Variants in BEGAIN observed in about 807,000 individuals in gnomAD.
BEGAIN encodes the protein brain enriched guanylate kinase associated, also known as brain-enriched guanylate kinase-associated protein.
A neutral mutation model predicts 35.8 loss-of-function variants in BEGAIN; 19 were observed. The ratio of observed to expected loss-of-function variants is 0.53; its 90% confidence interval spans 0.37 to 0.78. BEGAIN has a LOEUF of 0.78. Among genes scored for constraint, BEGAIN ranks in the 30% least tolerant of loss-of-function variants. The pLI is 0.00. For missense variants in BEGAIN, 795 were observed against 853.6 expected (o/e 0.93, Z 0.85); for synonymous variants, 462 against 388.6 (o/e 1.19, Z -2.22).
Position 100,569,972 on chromosome 14 carries a change from G to A in BEGAIN, c.43-2033C>T, listed in dbSNP as rs185390034. 1.8e-3 allele frequency among the ~76,000 whole-genome samples: 273 copies of A among 152,218 alleles called. 2 individuals carry two copies. Among genetic ancestry groups the A allele is most frequent in the Non-Finnish European group, 2.0e-3 (134 of 68,002 alleles). On this transcript the variant is annotated intron_variant, in intron 1 of 6. Coordinates refer to ENST00000554140, the MANE Select transcript of BEGAIN (RefSeq NM_001385089.1). ...TCCCACGGCTCCTCACCACAGCTCT[G>A]CCATGGAAGCCCCGGACCCCCTATG...
intron 1 of BEGAIN, among the ~76,000 whole-genome samples, chr14:100,570,201 C>T (rs2035032721): frequency 6.6e-6 from 1 of 152,230 alleles, no homozygotes; most frequent in East Asian, 1.9e-4. Context: ...TTTTAAAAAT[C>T]TAGCATTAAT....
intron 2 of BEGAIN, 76 bp from the exon 3 acceptor site, chr14:100,546,738 C>G (rs902353686): frequency 6.5e-6 from 9 of 1,392,358 alleles, no homozygotes; most frequent in Non-Finnish European, 8.4e-6. Context: ...CCAGCCGGGG[C>G]GTGCCGCACT....
rs550921317 is a variant in BEGAIN at position 100,538,236 on chromosome 14, G to A, written c.1572C>T (p.Arg524=). The part of the protein sequence containing the change: ...AGGDLSLSPG[R]SADPLPGYAP... ...CATAGCCGGGCAGTGGGTCAGCCGAGCGGCCGGGACTGAGGCTCAGGTCGC... is the reference window on the plus strand; with the variant it reads ...CATAGCCGGGCAGTGGGTCAGCCGAACGGCCGGGACTGAGGCTCAGGTCGC... Residue 524 remains arginine, a synonymous_variant, in exon 7 of 7, where the codon CGC becomes CGT. Coordinates refer to ENST00000554140, the MANE Select transcript of BEGAIN (RefSeq NM_001385089.1). 8.0e-5 allele frequency: 125 copies of A among 1,570,560 alleles called. 1 individual carries two copies. In the South Asian group the frequency reaches 1.3e-3, roughly 16 times the overall value.
chr14:100,544,647 GC>G (rs367785895), intron 4 of BEGAIN, among the ~76,000 whole-genome samples: 1 of 152,304 alleles, frequency 6.6e-6, no homozygotes, highest in East Asian at 1.9e-4. Flanking sequence ...CCTGCCTCTG[GC>G]TCACCCAGGG....
chr14:100,537,954 C>A lies in BEGAIN; in HGVS notation c.*15G>T, dbSNP rs1485673348. 4 of 1,594,504 alleles carry A rather than the reference C, an allele frequency of 2.5e-6. No homozygotes were observed. Among genetic ancestry groups the A allele is most frequent in the South Asian group, 2.3e-5 (2 of 88,524 alleles). On this transcript the variant is annotated 3_prime_UTR_variant, in exon 7 of 7. Transcript: ENST00000554140. ...TGGCGGGGAGCGAACCACGGCCAGG[C>A]CTGCACGCAGGCGCTCAGTTGAGCA... is the stretch of plus-strand genomic sequence containing the variant.
chr14:100,550,575 G>A, intron 2 of BEGAIN: 1 of 398,676 alleles, frequency 2.5e-6, no homozygotes, highest in Non-Finnish European at 4.4e-6. Context: ...GGCCATGCGT[G>A]GCCCACCATC....
At position 100,558,959 on chromosome 14, in the gene BEGAIN, G is replaced by C. The variant is rs2139632433; in HGVS notation, c.71+8952C>G. 6.6e-6 allele frequency among the ~76,000 whole-genome samples: 1 copy of C among 152,262 alleles called. No individual in the cohort carries two copies. Among genetic ancestry groups the C allele is most frequent in the South Asian group, 2.1e-4 (1 of 4,824 alleles). ...CAGGGCGCGTCCTGGAGATTGGTGTGGCCGGAGCCTGGGGCCTGGGGGTTG... is the reference window on the plus strand; with the variant it reads ...CAGGGCGCGTCCTGGAGATTGGTGTCGCCGGAGCCTGGGGCCTGGGGGTTG... On this transcript the variant is annotated intron_variant, in intron 2 of 6. Transcript: ENST00000554140. The surrounding 1 kb of genome is among the most constrained non-coding windows in gnomAD (Gnocchi z 4.6).
Position 100,587,232 on chromosome 14 carries a change from G to T in BEGAIN, c.42+17C>A. 5.3e-6 allele frequency: 1 copy of T among 189,320 alleles called. No homozygotes were observed. The highest frequency in any genetic ancestry group is 1.1e-5 in the Non-Finnish European group (1 of 94,538). 11.7% of individuals were successfully genotyped at this position (189,320 alleles called of 1,614,324 possible). ...GCCCGCGCCCGCGCCCTGCCCTCCC[G>T]GCTCGCAGGTACTCACCGCCCGGCG... On this transcript the variant is annotated intron_variant, in intron 1 of 6. Transcript: ENST00000554140.
At position 100,567,882 on chromosome 14, in the gene BEGAIN, A is replaced by G; in HGVS notation, c.71+29T>C. Reference sequence around the variant, plus strand: ...CCTCACCCCCGACCCGGCCCCCGCGAGCCGCGGCACGGGAGACGCTCCACT... The same window carrying G: ...CCTCACCCCCGACCCGGCCCCCGCGGGCCGCGGCACGGGAGACGCTCCACT... On this transcript the variant is annotated intron_variant, in intron 2 of 6. Transcript: ENST00000554140. This position sits in a 1 kb window ranked among gnomAD's most constrained non-coding sequence, Gnocchi z 5.1. 2 of 1,444,342 alleles carry G rather than the reference A, an allele frequency of 1.4e-6. No homozygotes were observed. The highest frequency in any genetic ancestry group is 9.2e-7 in the Non-Finnish European group (1 of 1,087,040). 89.5% of individuals were successfully genotyped at this position (1,444,342 alleles called of 1,614,324 possible).
In BEGAIN at chr14:100,539,138, G is replaced by C. The variant is rs747890182; in HGVS notation, c.670C>G (p.Arg224Gly). The C allele has an allele frequency of 4.4e-6, 7 of 1,603,546 alleles. No individual in the cohort carries two copies. The South Asian group carries it at 4.4e-5, about 10-fold the overall frequency. Residue 224 changes from arginine to glycine, a missense_variant, in exon 7 of 7, where the codon CGC (arginine) becomes GGC (glycine). Transcript: ENST00000554140. ...LSSRLSDASA[R>G]DLAFCDGVEK... ...ACCCCGTCGCAGAAGGCCAGGTCGC[G>C]GGCGGAGGCATCGGACAGGCGGGAG...
At chr14:100,572,053 C>A (rs1213967768) in intron 1 of BEGAIN, among the ~76,000 whole-genome samples, 1 of 152,194 alleles carries the variant, frequency 6.6e-6, no homozygotes, top group Non-Finnish European at 1.5e-5. Flanking sequence ...GCCAGAGGCA[C>A]CTGCTCCTCA....
Position 100,567,955 on chromosome 14 carries a change from C to G in BEGAIN, c.43-16G>C. 6.9e-7 allele frequency: 1 copy of G among 1,451,650 alleles called. No individual in the cohort carries two copies. The highest frequency in any genetic ancestry group is 9.2e-7 in the Non-Finnish European group (1 of 1,091,438). 89.9% of individuals were successfully genotyped at this position (1,451,650 alleles called of 1,614,324 possible). On this transcript the variant is annotated splice_polypyrimidine_tract_variant and intron_variant, in intron 1 of 6. Transcript: ENST00000554140. This position sits in a 1 kb window ranked among gnomAD's most constrained non-coding sequence, Gnocchi z 5.1. ...CGGCAGAGGCCTGCGAGAAACCAAACGAGAGGGTCAGCAGGCAGGAGGCGT... is the reference window on the plus strand; with the variant it reads ...CGGCAGAGGCCTGCGAGAAACCAAAGGAGAGGGTCAGCAGGCAGGAGGCGT...
At chr14:100,580,867 C>T (rs2035301659) in intron 1 of BEGAIN, among the ~76,000 whole-genome samples, 1 of 152,186 alleles carries the variant, frequency 6.6e-6, no homozygotes, top group South Asian at 2.1e-4. Flanking sequence ...CATCCCCAGC[C>T]TGGTGTGGGC....
chr14:100,578,165 AGCTTCAGG>A, intron 1 of BEGAIN, among the ~76,000 whole-genome samples: 1 of 152,284 alleles, frequency 6.6e-6, no homozygotes, highest in Non-Finnish European at 1.5e-5. Context: ...ATGAGAGCTG[AGCTTCAGG>A]GCTTAGAAAG....
Position 100,537,637 on chromosome 14 carries a change from C to G in BEGAIN, c.*332G>C. On this transcript the variant is annotated 3_prime_UTR_variant, in exon 7 of 7. Coordinates refer to ENST00000554140, the MANE Select transcript of BEGAIN (RefSeq NM_001385089.1). ...AACGCCAAGGCAGCCGTCCAGGGAG[C>G]TGGAGGCCAAGTGCGTTAAGAAAGA... The G allele has an allele frequency of 1.1e-5, 3 of 283,344 alleles. No homozygotes were observed. The highest frequency in any genetic ancestry group is 2.0e-5 in the Non-Finnish European group (3 of 151,790). The allele number at this position is 283,344 out of a possible 1,614,324, so 17.6% of individuals were successfully genotyped here. A position where few individuals can be genotyped will look rare whatever the true frequency, so the allele number is the denominator to read the frequency against.
At chr14:100,571,392 C>A (rs764217143) in intron 1 of BEGAIN, among the ~76,000 whole-genome samples, 1 of 152,112 alleles carries the variant, frequency 6.6e-6, no homozygotes, top group African/African-American at 2.4e-5. Context: ...TTCTTACTAG[C>A]GATGGGAGGG....
At chr14:100,560,236 C>G (rs1376302868) in intron 2 of BEGAIN, among the ~76,000 whole-genome samples, 1 of 152,196 alleles carries the variant, frequency 6.6e-6, no homozygotes, top group Non-Finnish European at 1.5e-5. Context: ...CCCCCAGATG[C>G]TCCTGAGATC....
intron 5 of BEGAIN, among the ~76,000 whole-genome samples, chr14:100,542,327 A>G (rs564058357): frequency 9.2e-5 from 14 of 152,288 alleles, no homozygotes; most frequent in African/African-American, 3.1e-4. Flanking sequence ...TTGTTGGGCC[A>G]CCATACTCGC....
chr14:100,581,864 C>T (rs754056352), intron 1 of BEGAIN, among the ~76,000 whole-genome samples: 2 of 152,268 alleles, frequency 1.3e-5, no homozygotes, highest in Admixed American at 1.3e-4. Context: ...GCAGGAAGAC[C>T]AGGCCACAGG....
Sources: allele counts gnomAD v4.1 joint callset (sites outside exome capture counted in the v4.1 genomes callset), GRCh38; gene constraint gnomAD v4.1.1; non-coding constraint Gnocchi (gnomAD v3.1); transcripts MANE v1.5; gene names NCBI Gene and HGNC (gene_info 2026-07-23, HGNC 2026-07-21).